The following NTRK2 variants were observed in gnomAD, a reference collection of about 807,000 sequenced individuals.
NTRK2 encodes the protein neurotrophic receptor tyrosine kinase 2.
In NTRK2, 13 loss-of-function variants were observed where a neutral mutation model predicts 94.5. The observed-to-expected ratio is 0.14, with a 90% CI of 0.09 to 0.22. The LOEUF (loss-of-function observed/expected upper bound fraction) is 0.22. NTRK2 is among the 10% of genes least tolerant of loss of function. The pLI is 1.00. For synonymous variants in NTRK2, 372 were observed against 407.4 expected (o/e 0.91, Z 1.05); for missense variants, 639 against 1,071.2 (o/e 0.60, Z 5.63).
chr9:84,898,346 A>G (rs2076821341), intron 14 of NTRK2, among the ~76,000 whole-genome samples: 1 of 152,192 alleles, frequency 6.6e-6, no homozygotes, highest in Non-Finnish European at 1.5e-5. Flanking sequence ...GGCTGGCTAC[A>G]ATGCACTTAG....
chr9:84,687,511 G>A (rs1476274553), intron 2 of NTRK2, among the ~76,000 whole-genome samples: 2 of 152,062 alleles, frequency 1.3e-5, no homozygotes, highest in Middle Eastern at 3.2e-3. Flanking sequence ...GGTGTCTTGA[G>A]GGTACTATAG....
intron 17 of NTRK2, among the ~76,000 whole-genome samples, chr9:85,012,633 T>C (rs1364932120): frequency 1.3e-5 from 2 of 152,332 alleles, no homozygotes; most frequent in African/African-American, 4.8e-5. Context: ...GCTGTGGAAA[T>C]GTTATGTAAA....
intron 11 of NTRK2, among the ~76,000 whole-genome samples, chr9:84,748,066 T>G (rs1481551928): frequency 6.6e-6 from 1 of 152,192 alleles, no homozygotes; most frequent in Admixed American, 6.5e-5. Flanking sequence ...GTCCAACAAG[T>G]GCTCTTCCAG....
rs541131698 is a variant in NTRK2, at chr9:84,815,515, C to T, written c.1397-45525C>T. On this transcript the variant is annotated intron_variant, in intron 12 of 18. Coordinates refer to ENST00000277120, the MANE Select transcript of NTRK2 (RefSeq NM_006180.6). ...GGCAGCCTGTGAATCATTCTCATGC[C>T]CTGTTTTTTTTTTTTTTTTCCTATA... The T allele has an allele frequency of 3.0e-6, 3 of 993,768 alleles. No homozygotes were observed. The African/African-American group carries it at 6.2e-5, about 21-fold the overall frequency. 61.6% of individuals were successfully genotyped at this position (993,768 alleles called of 1,614,324 possible).
At chr9:84,693,002 C>T (rs2060144120) in intron 2 of NTRK2, among the ~76,000 whole-genome samples, 1 of 152,130 alleles carries the variant, frequency 6.6e-6, no homozygotes. Context: ...CTCCGAACAA[C>T]CCAGGGGCAG....
At chr9:84,960,836 CAT>C (rs1433137176) in intron 17 of NTRK2, among the ~76,000 whole-genome samples, 1 of 152,184 alleles carries the variant, frequency 6.6e-6, no homozygotes, top group Non-Finnish European at 1.5e-5. Flanking sequence ...AAGTCTTACA[CAT>C]CTTTGTTTCT....
intron 11 of NTRK2, 140 bp from the exon 12 acceptor site, chr9:84,751,846 A>G: frequency 2.8e-6 from 2 of 717,156 alleles, no homozygotes; most frequent in Admixed American, 4.0e-5. Flanking sequence ...TGGTGTACAT[A>G]AGGCTGTTAT....
chr9:84,830,494 T>C (rs2073474019), intron 12 of NTRK2, among the ~76,000 whole-genome samples: 1 of 151,964 alleles, frequency 6.6e-6, no homozygotes, highest in Non-Finnish European at 1.5e-5. Context: ...TAAGGGTGTG[T>C]GTGTATGTGT....
chr9:84,675,323 C>CTTTTTT (rs1564023863), intron 2 of NTRK2, among the ~76,000 whole-genome samples: 2 of 69,558 alleles, frequency 2.9e-5, no homozygotes, highest in Admixed American at 1.8e-4. Context: ...TTCTTTCTTT[C>CTTTTTT]CTTTTTTTTT....
At chr9:84,705,377 T>C (rs753771434) in intron 4 of NTRK2, among the ~76,000 whole-genome samples, 5 of 152,340 alleles carry the variant, frequency 3.3e-5, no homozygotes, top group Admixed American at 2.0e-4. Context: ...TTAGCTCCCT[T>C]GCAAAGCTCT....
intron 14 of NTRK2, among the ~76,000 whole-genome samples, chr9:84,887,778 C>T (rs1425940143): frequency 6.6e-6 from 1 of 152,182 alleles, no homozygotes; most frequent in African/African-American, 2.4e-5. Context: ...TAGATTTCAG[C>T]TTTCTGGCTT....
At chr9:84,676,350 G>A (rs1279761603) in intron 2 of NTRK2, among the ~76,000 whole-genome samples, 1 of 152,186 alleles carries the variant, frequency 6.6e-6, no homozygotes, top group East Asian at 1.9e-4. Context: ...AAGACCTTTG[G>A]TGTCAGAGTG....
chr9:84,890,261 T>C (rs1224559835), intron 14 of NTRK2, among the ~76,000 whole-genome samples: 1 of 152,074 alleles, frequency 6.6e-6, no homozygotes, highest in East Asian at 1.9e-4. Flanking sequence ...TAAAACATGG[T>C]GGTGATGGGT....
chr9:84,749,723 T>C (rs756073269), intron 11 of NTRK2, among the ~76,000 whole-genome samples: 1 of 152,224 alleles, frequency 6.6e-6, no homozygotes, highest in Non-Finnish European at 1.5e-5. Flanking sequence ...ATATTCTCCA[T>C]CTTACACATG....
At chr9:84,897,414 C>A (rs1231023611) in intron 14 of NTRK2, among the ~76,000 whole-genome samples, 1 of 152,186 alleles carries the variant, frequency 6.6e-6, no homozygotes, top group South Asian at 2.1e-4. Flanking sequence ...GAATTACAGG[C>A]GTGAGCCACT....
At chr9:84,754,087 A>G (rs904835697) in intron 12 of NTRK2, among the ~76,000 whole-genome samples, 1 of 152,186 alleles carries the variant, frequency 6.6e-6, no homozygotes, top group African/African-American at 2.4e-5. Context: ...ACAGTATTTC[A>G]TTTAGATAAT....
intron 2 of NTRK2, among the ~76,000 whole-genome samples, chr9:84,680,494 C>T (rs1400576831): frequency 2.0e-5 from 3 of 152,190 alleles, no homozygotes; most frequent in Admixed American, 6.5e-5. Context: ...AGGGCTGGAG[C>T]GCCTTTCAGC....
At chr9:85,020,148 C>T in intron 17 of NTRK2, 58 bp from the exon 18 acceptor site, 1 of 1,592,472 alleles carries the variant, frequency 6.3e-7, no homozygotes, top group Non-Finnish European at 8.6e-7. Context: ...CCAGCAGCTC[C>T]CTTCCACACC....
At chr9:84,805,634 A>G (rs995603392) in intron 12 of NTRK2, among the ~76,000 whole-genome samples, 2 of 152,196 alleles carry the variant, frequency 1.3e-5, no homozygotes, top group Admixed American at 6.5e-5. Flanking sequence ...GAAGTTTGCT[A>G]TGGTTTGAAT....
Sources: gnomAD v4.1 joint callset for allele counts (sites outside exome capture counted in the v4.1 genomes callset) on GRCh38, gnomAD v4.1.1 for gene constraint, MANE v1.5 for transcripts, NCBI Gene and HGNC (gene_info 2026-07-23, HGNC 2026-07-21) for gene names.